The following SGCZ variants were observed in gnomAD, a reference collection of about 807,000 sequenced individuals.
SGCZ encodes zeta-sarcoglycan.
A neutral mutation model predicts 41.3 loss-of-function variants in SGCZ; 40 were observed. The ratio of observed to expected loss-of-function variants is 0.97; its 90% CI spans 0.75 to 1.26. SGCZ has a LOEUF of 1.26. SGCZ is among the 50% of genes most tolerant of loss of function. The probability of loss-of-function intolerance (pLI) is 0.00; values close to 1 mark genes in which losing one functional copy is unlikely to be tolerated. For missense variants in SGCZ, 552 were observed against 369.8 expected (o/e 1.49, Z -4.04); for synonymous variants, 206 against 137.5 (o/e 1.50, Z -3.49).
chr8:14,189,501 A>C (rs2117042855), intron 4 of SGCZ, among the ~76,000 whole-genome samples: 1 of 152,242 alleles, frequency 6.6e-6, no homozygotes, highest in Non-Finnish European at 1.5e-5. Flanking sequence ...ACTTTGCTAC[A>C]CACACAGGCT....
intron 7 of SGCZ, among the ~76,000 whole-genome samples, chr8:14,098,799 T>C (rs1356504047): frequency 1.3e-5 from 2 of 152,102 alleles, no homozygotes; most frequent in African/African-American, 2.4e-5. Flanking sequence ...TAAGTAAGGA[T>C]TGCAGGTGAC....
intron 1 of SGCZ, among the ~76,000 whole-genome samples, chr8:15,094,484 G>C (rs1344315120): frequency 6.6e-6 from 1 of 152,088 alleles, no homozygotes; most frequent in Non-Finnish European, 1.5e-5. Context: ...CATATGAGCC[G>C]GGAATTCAGT....
intron 1 of SGCZ, among the ~76,000 whole-genome samples, chr8:14,775,460 A>AGTGTGTGTGTGTGT (rs71739993): frequency 1.3e-5 from 2 of 149,210 alleles, no homozygotes; most frequent in Admixed American, 6.7e-5. Flanking sequence ...AGAATATTTG[A>AGTGTGTGTGTGTGT]GTGTGTGTGT....
intron 1 of SGCZ, among the ~76,000 whole-genome samples, chr8:15,095,673 C>A (rs17120911): frequency 6.6e-6 from 1 of 152,050 alleles, no homozygotes; most frequent in Admixed American, 6.5e-5. Flanking sequence ...TTCACTCAGC[C>A]AAAAGCCCAT....
At chr8:14,155,395 G>C (rs756183150) in intron 5 of SGCZ, among the ~76,000 whole-genome samples, 1 of 152,062 alleles carries the variant, frequency 6.6e-6, no homozygotes. Flanking sequence ...CTAAGACTGT[G>C]ACAGCCAGAG....
intron 1 of SGCZ, among the ~76,000 whole-genome samples, chr8:14,607,460 G>C (rs1585120502): frequency 6.6e-6 from 1 of 152,062 alleles, no homozygotes; most frequent in Non-Finnish European, 1.5e-5. Context: ...TTCATATCCT[G>C]AGTTAAAATA....
At chr8:15,088,860 C>A (rs1806047435) in intron 1 of SGCZ, among the ~76,000 whole-genome samples, 2 of 152,076 alleles carry the variant, frequency 1.3e-5, no homozygotes, top group Non-Finnish European at 2.9e-5. Flanking sequence ...CAATTGCAAA[C>A]AAATAATGGT....
chr8:14,554,600 T>C, intron 2 of SGCZ, 132 bp downstream of exon 2: 1 of 758,974 alleles, frequency 1.3e-6, no homozygotes, highest in Non-Finnish European at 2.0e-6. Context: ...TAAAATATTA[T>C]TTTCTTTGGG....
chr8:14,454,482 C>T (rs1288884904), intron 2 of SGCZ, among the ~76,000 whole-genome samples: 1 of 152,004 alleles, frequency 6.6e-6, no homozygotes, highest in Admixed American at 6.6e-5. Context: ...ACATTTAATT[C>T]ATTTAATGAA....
intron 1 of SGCZ, among the ~76,000 whole-genome samples, chr8:15,114,710 C>T (rs1367396488): frequency 6.6e-6 from 1 of 151,646 alleles, no homozygotes; most frequent in African/African-American, 2.4e-5. Context: ...CAGGGTAGCG[C>T]TCCTGACTCT....
intron 1 of SGCZ, among the ~76,000 whole-genome samples, chr8:14,650,724 T>G (rs1024542324): frequency 1.3e-5 from 2 of 152,068 alleles, no homozygotes; most frequent in African/African-American, 4.8e-5. Flanking sequence ...AGAGATTTGT[T>G]AGGACAAGGA....
chr8:15,190,283 T>C (rs548326337), intron 1 of SGCZ, among the ~76,000 whole-genome samples: 15 of 152,240 alleles, frequency 9.9e-5, no homozygotes, highest in African/African-American at 3.6e-4. Context: ...GAACAACCTA[T>C]GTATATTATT....
chr8:14,100,518 A>T (rs1401075742), intron 7 of SGCZ, among the ~76,000 whole-genome samples: 1 of 138,254 alleles, frequency 7.2e-6, no homozygotes, highest in African/African-American at 2.8e-5. Context: ...TTAATATATT[A>T]TATTAATATA....
chr8:14,642,757 G>T (rs1211863006), intron 1 of SGCZ, among the ~76,000 whole-genome samples: 2 of 151,360 alleles, frequency 1.3e-5, no homozygotes, highest in Non-Finnish European at 3.0e-5. Context: ...CAGTTATAAA[G>T]AAATAAATAA....
chr8:14,297,339 T>C (rs62497769), intron 3 of SGCZ, among the ~76,000 whole-genome samples: 7,361 of 151,946 alleles, frequency 0.048, 268 homozygotes, highest in East Asian at 0.17. Flanking sequence ...TAATAAACAA[T>C]GTTTTCTAAG....
chr8:14,799,939 A>G (rs1801265812), intron 1 of SGCZ, among the ~76,000 whole-genome samples: 1 of 152,216 alleles, frequency 6.6e-6, no homozygotes, highest in Non-Finnish European at 1.5e-5. Context: ...GATAAGTATT[A>G]TAAACAGAGG....
intron 1 of SGCZ, among the ~76,000 whole-genome samples, chr8:14,603,500 AAAAG>A (rs1490350442): frequency 1.3e-5 from 2 of 152,112 alleles, no homozygotes; most frequent in African/African-American, 4.8e-5. Context: ...CGAAAGATGT[AAAAG>A]AAAGAAACTT....
At chr8:14,894,810 G>C (rs931684900) in intron 1 of SGCZ, among the ~76,000 whole-genome samples, 2 of 152,034 alleles carry the variant, frequency 1.3e-5, no homozygotes, top group Non-Finnish European at 2.9e-5. Flanking sequence ...ACCCTCCCTA[G>C]CTTCTTAGAA....
At chr8:15,171,186 ATAAAG>A (rs1210259806) in intron 1 of SGCZ, among the ~76,000 whole-genome samples, 1 of 152,222 alleles carries the variant, frequency 6.6e-6, no homozygotes, top group African/African-American at 2.4e-5. Flanking sequence ...TTGAAAAAAG[ATAAAG>A]TAGTCTTTGA....
Sources: allele counts gnomAD v4.1 joint callset (sites outside exome capture counted in the v4.1 genomes callset), GRCh38; gene constraint gnomAD v4.1.1; transcripts MANE v1.5; gene names NCBI Gene and HGNC (gene_info 2026-07-23, HGNC 2026-07-21).